C4orf51: variants seen among roughly 807,000 people sequenced by gnomAD.
The protein encoded by C4orf51 is uncharacterized protein C4orf51.
Under a neutral mutation model 25.2 loss-of-function variants are expected in C4orf51, and 25 were observed. The ratio of observed to expected loss-of-function variants is 0.99; its 90% CI spans 0.72 to 1.39. C4orf51 has a LOEUF of 1.39. Ranked by LOEUF, C4orf51 falls within the 40% of genes most tolerant of loss-of-function variation. C4orf51 has a pLI of 0.00. For synonymous variants in C4orf51, 100 were observed against 84.5 expected (o/e 1.18, Z -1.01); for missense variants, 252 against 239.6 (o/e 1.05, Z -0.34).
At chr4:145,778,142 T>G in the C4orf51 span, among the ~76,000 whole-genome samples, 2 of 151,020 alleles carry the variant, frequency 1.3e-5, no homozygotes, top group African/African-American at 2.4e-5. Flanking sequence ...AAACTTTTTG[T>G]TTTTTTTTGA....
intron 1 of C4orf51, among the ~76,000 whole-genome samples, chr4:145,768,004 CA>C (rs1295335711): frequency 2.0e-5 from 3 of 151,948 alleles, no homozygotes; most frequent in African/African-American, 7.3e-5. Context: ...ATTGTTTAAA[CA>C]AAAATAACTG....
At chr4:145,735,979 A>G (rs999310449), downstream of C4orf51, among the ~76,000 whole-genome samples, 1 of 152,148 alleles carries the variant, frequency 6.6e-6, no homozygotes, top group Non-Finnish European at 1.5e-5. Flanking sequence ...ACTCTGTTCC[A>G]GTGAAGCATG....
chr4:145,701,681 C>T (rs559663415), intron 2 of C4orf51, among the ~76,000 whole-genome samples: 25 of 151,942 alleles, frequency 1.6e-4, no homozygotes, highest in African/African-American at 2.4e-4. Flanking sequence ...CTACCCACTC[C>T]ACATTACCTT....
chr4:145,719,615 T>C (rs1484282776), intron 2 of C4orf51, among the ~76,000 whole-genome samples: 1 of 129,380 alleles, frequency 7.7e-6, no homozygotes, highest in Non-Finnish European at 1.6e-5. Context: ...AAAAGCAGCA[T>C]CCTTTGAAAA....
rs1400914665 is a variant in C4orf51, at chr4:145,680,356, T to C, written c.153T>C (p.Ser51=). The C allele has an allele frequency of 6.2e-7, 1 of 1,613,922 alleles. No homozygotes were observed. Among genetic ancestry groups the C allele is most frequent in the Non-Finnish European group, 8.5e-7 (1 of 1,179,862 alleles). Residue 51 remains serine (S), a synonymous_variant, in exon 1 of 6, where the codon AGT becomes AGC. Coordinates refer to ENST00000438731, the MANE Select transcript of C4orf51 (RefSeq NM_001080531.3). ...CTTCCGTGACAACATACACAGGCAG[T>C]TACCGGAAAAAACAACTGGACAAGT... ...SDSSVTTYTG[S]YRKKQLDKSM...
downstream of C4orf51, among the ~76,000 whole-genome samples, chr4:145,755,794 A>G (rs1733905426): frequency 6.6e-6 from 1 of 152,222 alleles, no homozygotes; most frequent in Admixed American, 6.5e-5. Flanking sequence ...TTCTGAGGGA[A>G]TGATGTAAGC....
At chr4:145,690,234 G>A (rs976991198) in intron 1 of C4orf51, among the ~76,000 whole-genome samples, 25 of 151,784 alleles carry the variant, frequency 1.6e-4, no homozygotes, top group African/African-American at 5.8e-4. Context: ...GGCTGGGCGC[G>A]GTGGCTAACG....
intron 2 of C4orf51, among the ~76,000 whole-genome samples, chr4:145,719,319 C>A (rs1242232964): frequency 1.3e-5 from 2 of 151,964 alleles, no homozygotes; most frequent in Non-Finnish European, 2.9e-5. Context: ...TAGAAGCAAC[C>A]TTTGGGCCAG....
At chr4:145,698,431 C>T (rs1730212316) in intron 2 of C4orf51, among the ~76,000 whole-genome samples, 1 of 152,162 alleles carries the variant, frequency 6.6e-6, no homozygotes, top group African/African-American at 2.4e-5. Context: ...GCTACCAGGT[C>T]AGAGGCAGAT....
intron 1 of C4orf51, among the ~76,000 whole-genome samples, chr4:145,770,615 A>G (rs1187022094): frequency 2.6e-5 from 4 of 151,978 alleles, no homozygotes; most frequent in African/African-American, 9.7e-5. Flanking sequence ...AATAATGATA[A>G]CTAATACTTT....
the C4orf51 span, chr4:145,779,295 A>C: frequency 1.3e-6 from 2 of 1,525,690 alleles, no homozygotes; most frequent in Non-Finnish European, 1.8e-6. Flanking sequence ...TGCCTCTCTT[A>C]GAGAAACTCA....
At chr4:145,751,311 G>A (rs892103561) in intron 1 of C4orf51, among the ~76,000 whole-genome samples, 2 of 152,076 alleles carry the variant, frequency 1.3e-5, no homozygotes, top group Non-Finnish European at 2.9e-5. Context: ...TTCTTTGAAG[G>A]GACTTGAGTG....
chr4:145,692,133 A>G (rs1729617446), intron 1 of C4orf51, among the ~76,000 whole-genome samples: 2 of 152,222 alleles, frequency 1.3e-5, no homozygotes, highest in Admixed American at 1.3e-4. Flanking sequence ...TCTTAGCAGT[A>G]CTTTTCATAA....
At chr4:145,695,904 T>C (rs1730016142) in intron 1 of C4orf51, among the ~76,000 whole-genome samples, 1 of 152,170 alleles carries the variant, frequency 6.6e-6, no homozygotes, top group Admixed American at 6.5e-5. Context: ...AGCAAACTAA[T>C]GCAGGAACAG....
chr4:145,748,550 G>C (rs1733504801), intron 1 of C4orf51, among the ~76,000 whole-genome samples: 1 of 152,056 alleles, frequency 6.6e-6, no homozygotes, highest in African/African-American at 2.4e-5. Context: ...TGCTTTTGCT[G>C]TATCCCATAG....
At chr4:145,709,612 C>G (rs1309985584) in intron 2 of C4orf51, among the ~76,000 whole-genome samples, 2 of 152,244 alleles carry the variant, frequency 1.3e-5, no homozygotes, top group African/African-American at 4.8e-5. Context: ...GCCCCTGAGG[C>G]AGACAGTCTG....
intron 1 of C4orf51, among the ~76,000 whole-genome samples, chr4:145,681,453 T>C (rs1347790658): frequency 6.6e-6 from 1 of 152,214 alleles, no homozygotes; most frequent in Admixed American, 6.5e-5. Context: ...AATTTCTGCA[T>C]TTTTAAAATA....
At chr4:145,785,107 C>T in the C4orf51 span, among the ~76,000 whole-genome samples, 4 of 152,156 alleles carry the variant, frequency 2.6e-5, no homozygotes, top group Non-Finnish European at 4.4e-5. Context: ...GGATTAAGCA[C>T]TTTTGTCCTT....
intron 2 of C4orf51, among the ~76,000 whole-genome samples, chr4:145,725,351 T>C (rs1731997077): frequency 6.6e-6 from 1 of 152,174 alleles, no homozygotes; most frequent in African/African-American, 2.4e-5. Flanking sequence ...TATAAAAGAA[T>C]ACAGCCACTT....
Sources: gnomAD v4.1 joint callset for allele counts (sites outside exome capture counted in the v4.1 genomes callset) on GRCh38, gnomAD v4.1.1 for gene constraint, MANE v1.5 for transcripts, NCBI Gene and HGNC (gene_info 2026-07-23, HGNC 2026-07-21) for gene names.